LRRC40: variants seen among roughly 807,000 people sequenced by gnomAD.
LRRC40 encodes the protein leucine-rich repeat-containing protein 40.
A neutral mutation model predicts 72.8 loss-of-function variants in LRRC40; 76 were observed. That is an observed-to-expected ratio of 1.04 (90% CI 0.87 to 1.26). The LOEUF is 1.26. Ranked by LOEUF, LRRC40 falls within the 50% of genes most tolerant of loss-of-function variation. LRRC40 has a pLI of 0.00. For synonymous variants in LRRC40, 243 were observed against 254.2 expected (o/e 0.96, Z 0.42); for missense variants, 684 against 698.9 (o/e 0.98, Z 0.24).
chr1:70,147,581 G>A (rs1244745443), intron 14 of LRRC40, among the ~76,000 whole-genome samples: 1 of 152,086 alleles, frequency 6.6e-6, no homozygotes, highest in Non-Finnish European at 1.5e-5. Flanking sequence ...CCTAACCCCT[G>A]TATTTCCCCC....
chr1:70,177,922 A>T (rs963914249), intron 6 of LRRC40, among the ~76,000 whole-genome samples: 1 of 152,178 alleles, frequency 6.6e-6, no homozygotes, highest in Non-Finnish European at 1.5e-5. Context: ...GAAGATGAAG[A>T]CCTTTATGAT....
At chr1:70,183,266 T>C (rs1025778207) in intron 4 of LRRC40, among the ~76,000 whole-genome samples, 1 of 152,132 alleles carries the variant, frequency 6.6e-6, no homozygotes, top group Admixed American at 6.5e-5. Context: ...CCAAAACATG[T>C]AAGAGGGAAA....
intron 14 of LRRC40, chr1:70,147,083 T>C (rs558688204): frequency 6.6e-6 from 1 of 152,316 alleles, no homozygotes; most frequent in African/African-American, 2.4e-5. Flanking sequence ...TTTGCAAACT[T>C]GCCTACTCAC....
At chr1:70,188,552 T>C (rs563979290) in intron 2 of LRRC40, among the ~76,000 whole-genome samples, 21 of 151,638 alleles carry the variant, frequency 1.4e-4, no homozygotes, top group Admixed American at 6.6e-4. Context: ...CTGGGAAACA[T>C]AGTGAGACCC....
intron 4 of LRRC40, among the ~76,000 whole-genome samples, chr1:70,183,159 A>C (rs1389477915): frequency 6.6e-6 from 1 of 152,186 alleles, no homozygotes; most frequent in Non-Finnish European, 1.5e-5. Flanking sequence ...CTCTAGAACA[A>C]ATGAGGGAAG....
intron 1 of LRRC40, among the ~76,000 whole-genome samples, chr1:70,194,123 C>A (rs1668559250): frequency 6.6e-6 from 1 of 151,902 alleles, no homozygotes; most frequent in Non-Finnish European, 1.5e-5. Context: ...ATAAAAGAAA[C>A]AAAAGGCATT....
At chr1:70,155,610 G>A in intron 11 of LRRC40, 79 bp downstream of exon 11, 1 of 591,836 alleles carries the variant, frequency 1.7e-6, no homozygotes. Flanking sequence ...AAACCAATAT[G>A]GAAAAACCAA....
chr1:70,168,391 C>T (rs1667932550), intron 9 of LRRC40, among the ~76,000 whole-genome samples: 1 of 152,198 alleles, frequency 6.6e-6, no homozygotes, highest in Admixed American at 6.5e-5. Context: ...ATTGCTGACT[C>T]CTTCTACTGA....
chr1:70,181,694 A>T (rs978665033), intron 4 of LRRC40, among the ~76,000 whole-genome samples: 24 of 151,620 alleles, frequency 1.6e-4, no homozygotes, highest in Middle Eastern at 3.4e-3. Context: ...ATTTTTGAGG[A>T]AAAAAAAATA....
rs72929206 is a variant in LRRC40, at chr1:70,192,022, T to G, written c.152-2749A>C. Among the ~76,000 whole-genome samples the G allele has an allele frequency of 7.0e-3, 1,064 of 152,278 alleles. 11 individuals are homozygous for G. Among genetic ancestry groups the G allele is most frequent in the African/African-American group, 0.024 (985 of 41,564 alleles). The stretch of plus-strand genomic sequence containing the variant: ...CCTGTGAAGAATGTCATTGGTAGTT[T>G]GGTAGGAATAGCACTGAATCTGTAA... On this transcript the variant is annotated intron_variant, in intron 1 of 14. Coordinates refer to ENST00000370952, the MANE Select transcript of LRRC40 (RefSeq NM_017768.5).
intron 1 of LRRC40, among the ~76,000 whole-genome samples, chr1:70,191,714 A>C (rs1022815387): frequency 6.6e-6 from 1 of 152,176 alleles, no homozygotes; most frequent in Non-Finnish European, 1.5e-5. Flanking sequence ...ATATAGTCTT[A>C]ATTATTAAGA....
intron 2 of LRRC40, 42 bp downstream of exon 2, chr1:70,189,050 T>A: frequency 1.3e-6 from 2 of 1,537,752 alleles, no homozygotes; most frequent in Non-Finnish European, 1.8e-6. Flanking sequence ...AGCTTTAGAG[T>A]CTCTTCAATT....
Position 70,148,572 on chromosome 1 carries a change from T to A in LRRC40, c.1618A>T (p.Met540Leu). Residue 540 changes from methionine to leucine, a missense_variant, in exon 14 of 15, where the codon ATG (methionine) becomes TTG (leucine). Transcript: ENST00000370952. ...TCCAACGTGGTCAGATTTTCCATCA[T>A]CTTCATTTTCTGAGGGTCCACAGAT... Reference protein sequence around the residue: ...VGSVDPQKMKMMENLTTLDLQ... With the variant: ...VGSVDPQKMKLMENLTTLDLQ... The A allele has an allele frequency of 1.2e-6, 2 of 1,613,456 alleles. No homozygotes were observed. The highest frequency in any genetic ancestry group is 1.7e-6 in the Non-Finnish European group (2 of 1,179,496).
intron 5 of LRRC40, chr1:70,180,288 C>G (rs953201813): frequency 6.6e-6 from 1 of 152,074 alleles, no homozygotes; most frequent in Admixed American, 6.6e-5. Flanking sequence ...CTGGTGGTCC[C>G]CCACTATGGG....
intron 14 of LRRC40, among the ~76,000 whole-genome samples, 157 bp from the exon 15 acceptor site, chr1:70,146,062 T>C (rs1413781322): frequency 6.6e-6 from 1 of 152,204 alleles, no homozygotes; most frequent in East Asian, 1.9e-4. Context: ...TCTCACTCTG[T>C]TGCCCAGCCT....
chr1:70,203,756 A>G (rs1463011759), intron 1 of LRRC40, among the ~76,000 whole-genome samples: 2 of 152,204 alleles, frequency 1.3e-5, no homozygotes, highest in African/African-American at 4.8e-5. Context: ...GAGCAAAGAT[A>G]GGAAGATAAG....
At chr1:70,174,751 T>G (rs2100290489) in intron 7 of LRRC40, among the ~76,000 whole-genome samples, 1 of 152,142 alleles carries the variant, frequency 6.6e-6, no homozygotes, top group South Asian at 2.1e-4. Context: ...CATAGCACAT[T>G]AGTGGTTGCC....
chr1:70,163,151 C>T (rs1667801470), intron 9 of LRRC40, among the ~76,000 whole-genome samples: 1 of 151,634 alleles, frequency 6.6e-6, no homozygotes, highest in African/African-American at 2.4e-5. Context: ...TCTTGGCTCA[C>T]TGCAACCTCC....
At chr1:70,157,186 A>G (rs1667656688) in intron 10 of LRRC40, among the ~76,000 whole-genome samples, 1 of 152,168 alleles carries the variant, frequency 6.6e-6, no homozygotes, top group Non-Finnish European at 1.5e-5. Context: ...GACAGCCTAC[A>G]TTTCACAGTT....
Sources: allele counts gnomAD v4.1 joint callset (sites outside exome capture counted in the v4.1 genomes callset), GRCh38; gene constraint gnomAD v4.1.1; transcripts MANE v1.5; gene names NCBI Gene and HGNC (gene_info 2026-07-23, HGNC 2026-07-21).